Variants in TAF6 observed in about 807,000 individuals in gnomAD.
TAF6 encodes transcription initiation factor TFIID subunit 6.
Under a neutral mutation model 73.5 loss-of-function variants are expected in TAF6, and 50 were observed. The observed-to-expected ratio is 0.68, with a 90% CI of 0.54 to 0.86. TAF6 has a LOEUF of 0.86. TAF6 is among the 40% of genes least tolerant of loss of function. The probability of loss-of-function intolerance (pLI) is 0.00; values close to 1 mark genes in which losing one functional copy is unlikely to be tolerated. For synonymous variants in TAF6, 424 were observed against 376.7 expected (o/e 1.13, Z -1.45); for missense variants, 768 against 899.5 (o/e 0.85, Z 1.87).
At chr7:100,114,491 G>A (rs558774137) in intron 1 of TAF6, 57 of 609,118 alleles carry the variant, frequency 9.4e-5, no homozygotes, top group Admixed American at 2.3e-4. Flanking sequence ...AGGACGAGGC[G>A]GGCGGATCAC....
At chr7:100,121,688 C>A (rs1380464367), upstream of TAF6, among the ~76,000 whole-genome samples, 2 of 151,900 alleles carry the variant, frequency 1.3e-5, no homozygotes, top group Admixed American at 6.5e-5. Flanking sequence ...GATCTGCCCG[C>A]CTCAGCCTCC....
upstream of TAF6, chr7:100,124,526 T>C: frequency 1.2e-6 from 2 of 1,612,108 alleles, no homozygotes; most frequent in African/African-American, 1.3e-5. Flanking sequence ...TGAGACCATG[T>C]TGGAGGAGTT....
chr7:100,111,762 A>G lies in TAF6; in HGVS notation c.866T>C (p.Leu289Pro). Residue 289 changes from leucine to proline, a missense_variant, in exon 9 of 15, where the codon CTG becomes CCG. Coordinates refer to ENST00000453269, the MANE Select transcript of TAF6 (RefSeq NM_139315.3). Reference protein sequence around the residue: ...LIYLMRMVKALMDNPTLYLEK... With the variant: ...LIYLMRMVKAPMDNPTLYLEK... ...TAGATAGAGCGTGGGGTTGTCCATCAGCGCTTTCACCATACGCATCAGGTA... is the reference window on the plus strand; with the variant it reads ...TAGATAGAGCGTGGGGTTGTCCATCGGCGCTTTCACCATACGCATCAGGTA... 6.2e-7 allele frequency: 1 copy of G among 1,614,222 alleles called. No homozygotes were observed. The highest frequency in any genetic ancestry group is 2.2e-5 in the East Asian group (1 of 44,894).
At chr7:100,119,048 G>A (rs1359285299) in intron 1 of TAF6, 156 bp downstream of exon 1, 1 of 985,660 alleles carries the variant, frequency 1.0e-6, no homozygotes, top group African/African-American at 1.7e-5. Flanking sequence ...GGCGTCCCAG[G>A]GAAGGGTTAA....
At chr7:100,111,706 G>C in intron 9 of TAF6, 22 bp downstream of exon 9, 1 of 1,612,240 alleles carries the variant, frequency 6.2e-7, no homozygotes, top group South Asian at 1.1e-5. Context: ...CCCTGGAAGG[G>C]AGGATGGGCA....
upstream of TAF6, chr7:100,122,398 T>G: frequency 6.2e-7 from 1 of 1,614,070 alleles, no homozygotes; most frequent in Non-Finnish European, 8.5e-7. Context: ...GAGTCCTTCG[T>G]GCTCCTCCCC....
intron 1 of TAF6, 174 bp downstream of exon 1, chr7:100,119,030 G>C (rs987097092): frequency 2.0e-6 from 2 of 985,584 alleles, no homozygotes; most frequent in Non-Finnish European, 2.4e-6. Context: ...CAGTGGAGGC[G>C]GCAGGAAGGC....
chr7:100,110,208 C>T lies in TAF6; in HGVS notation c.1150G>A (p.Gly384Arg). The change falls in exon 11 of 15, where the codon GGA becomes AGA. Residue 384 changes from glycine (G) to arginine (R), a missense_variant. Transcript: ENST00000453269. ...CCTCCCAGAGGCCTAACATCGTGTC[C>T]CAGCTCAGCCAAGCCTGCGATGGAG... Reference protein sequence around the residue: ...YGSIAGLAELGHDVIKTLILP... With the variant: ...YGSIAGLAELRHDVIKTLILP... The T allele has an allele frequency of 1.2e-6, 2 of 1,614,098 alleles. No individual in the cohort carries two copies. The highest frequency in any genetic ancestry group is 1.7e-6 in the Non-Finnish European group (2 of 1,180,016).
upstream of TAF6, chr7:100,124,766 G>A: frequency 2.5e-6 from 4 of 1,613,858 alleles, no homozygotes; most frequent in South Asian, 3.3e-5. Flanking sequence ...GATCACAGAT[G>A]GGGAAGAGAA....
Position 100,114,349 on chromosome 7 carries a change from CA to C in TAF6, c.-59-82del, listed in dbSNP as rs1562931127. 9 of 1,383,726 alleles carry C rather than the reference CA, an allele frequency of 6.5e-6. No homozygotes were observed. In the South Asian group the frequency reaches 1.1e-4, roughly 17 times the overall value. The allele number at this position is 1,383,726 out of a possible 1,614,324, so 85.7% of individuals were successfully genotyped here. ...GCCAACAAAGGGAGGACAGTGGAGA[CA>C]GGGGAGGAACTCCGAGTGTCTTATG... On this transcript the variant is annotated intron_variant, in intron 1 of 14. Coordinates refer to ENST00000453269, the MANE Select transcript of TAF6 (RefSeq NM_139315.3).
chr7:100,109,632 G>A (rs1240341922), intron 12 of TAF6, among the ~76,000 whole-genome samples: 5 of 55,158 alleles, frequency 9.1e-5, no homozygotes, highest in Admixed American at 2.0e-4. Flanking sequence ...TAGTAGCTGG[G>A]ACCACAGACA....
chr7:100,118,759 G>T, intron 1 of TAF6: 1 of 656,546 alleles, frequency 1.5e-6, no homozygotes, highest in Non-Finnish European at 1.9e-6. Context: ...GGGTGGGGCC[G>T]TGCTGGAAGG....
chr7:100,118,837 T>A, intron 1 of TAF6: 4 of 985,140 alleles, frequency 4.1e-6, no homozygotes, highest in Non-Finnish European at 4.8e-6. Context: ...TCCCCGACTT[T>A]TATAAGTCTT....
At chr7:100,124,182 A>G (rs1798154799), upstream of TAF6, among the ~76,000 whole-genome samples, 1 of 151,400 alleles carries the variant, frequency 6.6e-6, no homozygotes, top group African/African-American at 2.4e-5. Flanking sequence ...ATCCACCATC[A>G]CTTATTGAGC....
rs1797446133 is a variant in TAF6, at chr7:100,113,914, A to T, written c.197T>A (p.Leu66His). 7.4e-6 allele frequency: 12 copies of T among 1,613,546 alleles called. No homozygotes were observed. Among genetic ancestry groups the T allele is most frequent in the Non-Finnish European group, 1.0e-5 (12 of 1,179,898 alleles). The change falls in exon 3 of 15, where the codon CTC (leucine) becomes CAC (histidine). Residue 66 changes from leucine (L) to histidine (H), a missense_variant. Around this residue, in one of 5 missense-constraint regions of TAF6, gnomAD observed 269 missense variants for 268.0 expected, o/e 1.00. Transcript: ENST00000453269. ...KFMHMGKRQK[L>H]TTSDIDYALK... ...GGCGTAGTCAATGTCACTGGTGGTGAGCTTCTGCCGCTTCCCCATGTGCAT... is the reference window on the plus strand; with the variant it reads ...GGCGTAGTCAATGTCACTGGTGGTGTGCTTCTGCCGCTTCCCCATGTGCAT...
At position 100,119,330 on chromosome 7, in the gene TAF6, C is replaced by T. The variant is rs1406563708; in HGVS notation, c.-186G>A. The T allele has an allele frequency of 2.9e-6, 3 of 1,034,038 alleles. No homozygotes were observed. The highest frequency in any genetic ancestry group is 3.2e-5 in the South Asian group (1 of 31,492). The allele number at this position is 1,034,038 out of a possible 1,614,324, so 64.1% of individuals were successfully genotyped here. On this transcript the variant is annotated 5_prime_UTR_variant, in exon 1 of 15. Coordinates refer to ENST00000453269, the MANE Select transcript of TAF6 (RefSeq NM_139315.3). ...AGCGGCAGCCGAGACGCTGCTCACC[C>T]GGCGCTCGGCGCCATCTTGGCCCCG...
intron 14 of TAF6, 130 bp from the exon 15 acceptor site, chr7:100,107,753 CT>C (rs1796692607): frequency 7.0e-7 from 1 of 1,436,332 alleles, no homozygotes; most frequent in African/African-American, 1.4e-5. Context: ...ACAGCTATGG[CT>C]GGAGACCTTG....
In TAF6 at chr7:100,107,527, C is replaced by G; in HGVS notation, c.1753G>C (p.Val585Leu). 2 of 1,613,982 alleles carry G rather than the reference C, an allele frequency of 1.2e-6. No homozygotes were observed. Among genetic ancestry groups the G allele is most frequent in the Non-Finnish European group, 8.5e-7 (1 of 1,179,990 alleles). The change falls in exon 15 of 15, where the codon GTC becomes CTC. Residue 585 changes from valine to leucine, a missense_variant. Val to Leu is a conservative substitution (Grantham distance 32, BLOSUM62 1). Coordinates refer to ENST00000453269, the MANE Select transcript of TAF6 (RefSeq NM_139315.3). Reference protein sequence around the residue: ...VPSVQPIVKLVSTATTAPPST... With the variant: ...VPSVQPIVKLLSTATTAPPST... ...GGGGGTGCGGTGGTGGCGGTGGAGA[C>G]CAACTTGACGATGGGCTGCACGCTG...
chr7:100,114,402 G>A (rs773384712), intron 1 of TAF6, 134 bp from the exon 2 acceptor site: 1 of 890,784 alleles, frequency 1.1e-6, no homozygotes. Flanking sequence ...TCAGCCCTGA[G>A]GTGTAACAGA....
Sources: gnomAD v4.1 joint callset for allele counts (sites outside exome capture counted in the v4.1 genomes callset) on GRCh38, gnomAD v4.1.1 for gene constraint, gnomAD v4.1.1 regional missense constraint, MANE v1.5 for transcripts, NCBI Gene and HGNC (gene_info 2026-07-23, HGNC 2026-07-21) for gene names.